The following LPXN variants were observed in gnomAD, a reference collection of about 807,000 sequenced individuals.
LPXN encodes leupaxin.
LPXN carries 28 observed loss-of-function variants against 45.6 expected under a neutral mutation model. The observed-to-expected ratio is 0.61, with a 90% CI of 0.45 to 0.84. LPXN has a LOEUF of 0.84. LPXN is among the 40% of genes least tolerant of loss of function. The probability of loss-of-function intolerance (pLI) is 0.00; values close to 1 mark genes in which losing one functional copy is unlikely to be tolerated. For missense variants in LPXN, 459 were observed against 475.0 expected (o/e 0.97, Z 0.31); for synonymous variants, 166 against 169.9 (o/e 0.98, Z 0.18).
chr11:58,529,565 G>A (rs569726331), intron 7 of LPXN, among the ~76,000 whole-genome samples: 3 of 145,398 alleles, frequency 2.1e-5, no homozygotes, highest in Non-Finnish European at 4.5e-5. Context: ...AGCCGAGATC[G>A]CACCACTGCA....
chr11:58,547,523 T>G (rs1853911482), intron 7 of LPXN, among the ~76,000 whole-genome samples: 2 of 152,202 alleles, frequency 1.3e-5, no homozygotes, highest in South Asian at 4.1e-4. Context: ...CTGCCTTCTA[T>G]TCTCATCTCC....
intron 2 of LPXN, among the ~76,000 whole-genome samples, chr11:58,565,698 A>T (rs754543275): frequency 4.3e-4 from 65 of 152,044 alleles, no homozygotes; most frequent in Non-Finnish European, 7.8e-4. Context: ...TTAAAAAAAT[A>T]TTGGCCAGGC....
At position 58,570,565 on chromosome 11, in the gene LPXN, A is replaced by T. The variant is rs764495777; in HGVS notation, c.162T>A (p.Ser54Arg). 8.7e-6 allele frequency: 14 copies of T among 1,609,058 alleles called. No individual in the cohort carries two copies. Among genetic ancestry groups the T allele is most frequent in the African/African-American group, 1.3e-5 (1 of 74,832 alleles). The stretch of plus-strand genomic sequence containing the variant: ...ATAAATGAAAATTTACCGGCAAGGG[A>T]CTTGTGTTATCCTGAATAGAAAGGA... ...SEILSIQDNT[S>R]PLPAQLVYTT... Residue 54 changes from serine to arginine, a missense_variant, in exon 2 of 9, where the codon AGT (serine) becomes AGA (arginine). Transcript: ENST00000395074.
intron 7 of LPXN, among the ~76,000 whole-genome samples, chr11:58,540,847 C>T (rs373620756): frequency 2.0e-5 from 3 of 151,994 alleles, no homozygotes; most frequent in Admixed American, 2.0e-4. Context: ...CCTTTTAAAA[C>T]AAGTGCACCT....
chr11:58,568,674 C>G (rs1265813508), intron 2 of LPXN, among the ~76,000 whole-genome samples: 1 of 151,704 alleles, frequency 6.6e-6, no homozygotes, highest in Non-Finnish European at 1.5e-5. Flanking sequence ...ATGGAAGAAG[C>G]TGGAAGGAGG....
intron 7 of LPXN, 37 bp downstream of exon 7, chr11:58,549,749 T>G: frequency 6.4e-7 from 1 of 1,556,518 alleles, no homozygotes; most frequent in Non-Finnish European, 8.9e-7. Flanking sequence ...AACTACCCAC[T>G]GGGGTGTGGG....
intron 7 of LPXN, among the ~76,000 whole-genome samples, chr11:58,549,169 G>A (rs914710209): frequency 1.3e-5 from 2 of 152,236 alleles, no homozygotes; most frequent in Middle Eastern, 3.2e-3. Flanking sequence ...GCCAAGGCGG[G>A]CGGATCACGA....
chr11:58,560,798 G>A (rs188962998), intron 3 of LPXN, among the ~76,000 whole-genome samples: 96 of 152,278 alleles, frequency 6.3e-4, no homozygotes, highest in African/African-American at 2.3e-3. Context: ...CAAAGTTTGT[G>A]CTGTGTGTCC....
chr11:58,578,367 C>T (rs577624219), upstream of LPXN: 108 of 217,472 alleles, frequency 5.0e-4, no homozygotes, highest in Admixed American at 1.3e-3. Flanking sequence ...ATCTATTTTT[C>T]CTAAAGCCTA....
chr11:58,554,627 T>C (rs1265763423), intron 4 of LPXN: 1 of 437,868 alleles, frequency 2.3e-6, no homozygotes, highest in Non-Finnish European at 4.0e-6. Context: ...CTGTATTATA[T>C]ATTAATTTTT....
chr11:58,558,543 A>G lies in LPXN; in HGVS notation c.219-3603T>C, dbSNP rs1256137988. Among the ~76,000 whole-genome samples, 23 of 144,936 alleles carry G rather than the reference A, an allele frequency of 1.6e-4. No individual in the cohort carries two copies. The East Asian group carries it at 2.6e-3, about 16-fold the overall frequency. On this transcript the variant is annotated intron_variant, in intron 3 of 8. Coordinates refer to ENST00000395074, the MANE Select transcript of LPXN (RefSeq NM_004811.3). ...CAGAAGCAGAATGAGACCCTGTCAA[A>G]AAAAAAAAAAAAAAAAAAAAAGAGA...
intron 7 of LPXN, among the ~76,000 whole-genome samples, chr11:58,530,321 C>T (rs950111333): frequency 1.3e-5 from 2 of 152,196 alleles, no homozygotes; most frequent in East Asian, 1.9e-4. Context: ...ACTGCCAGCA[C>T]AGCAGTCTGA....
At chr11:58,554,732 G>A in intron 4 of LPXN, 109 bp downstream of exon 4, 1 of 710,500 alleles carries the variant, frequency 1.4e-6, no homozygotes, top group Admixed American at 3.1e-5. Flanking sequence ...TTCCTAAGTG[G>A]GAGAATGGAG....
intron 2 of LPXN, among the ~76,000 whole-genome samples, chr11:58,564,933 G>A (rs565805650): frequency 6.6e-6 from 1 of 152,236 alleles, no homozygotes; most frequent in South Asian, 2.1e-4. Flanking sequence ...GATTCAGGTG[G>A]AAAGGCCAGC....
At chr11:58,576,271 T>C (rs959067159), upstream of LPXN, among the ~76,000 whole-genome samples, 1 of 152,158 alleles carries the variant, frequency 6.6e-6, no homozygotes, top group Non-Finnish European at 1.5e-5. Flanking sequence ...TTCATTTTGT[T>C]GTCTTATTTA....
chr11:58,563,075 G>A (rs757828180), intron 3 of LPXN, among the ~76,000 whole-genome samples: 38 of 152,172 alleles, frequency 2.5e-4, no homozygotes, highest in Non-Finnish European at 4.1e-4. Flanking sequence ...ACAGGCTGTT[G>A]GTTGGGCTAG....
chr11:58,573,427 C>T (rs1237432043), intron 1 of LPXN, among the ~76,000 whole-genome samples: 2 of 152,118 alleles, frequency 1.3e-5, no homozygotes, highest in African/African-American at 4.8e-5. Context: ...ATTTTCTAAG[C>T]TTTGCTCTAA....
chr11:58,549,237 T>C (rs1036788663), intron 7 of LPXN, among the ~76,000 whole-genome samples: 5 of 151,924 alleles, frequency 3.3e-5, no homozygotes, highest in African/African-American at 1.2e-4. Flanking sequence ...CTACTAAAAA[T>C]ACAAAAATTA....
intron 3 of LPXN, among the ~76,000 whole-genome samples, chr11:58,562,809 T>C (rs960358212): frequency 2.3e-4 from 3 of 13,188 alleles, no homozygotes; most frequent in African/African-American, 3.2e-4. Context: ...ATAGAGCGAC[T>C]TGTGGGGGGG....
Sources: gnomAD v4.1 joint callset for allele counts (sites outside exome capture counted in the v4.1 genomes callset) on GRCh38, gnomAD v4.1.1 for gene constraint, MANE v1.5 for transcripts, NCBI Gene and HGNC (gene_info 2026-07-23, HGNC 2026-07-21) for gene names.